Variants in BCL7A observed in about 807,000 individuals in gnomAD.
BCL7A encodes the protein B-cell CLL/lymphoma 7 protein family member A.
In BCL7A, 11 loss-of-function variants were observed where a neutral mutation model predicts 28.4. The observed-to-expected ratio is 0.39, with a 90% confidence interval of 0.24 to 0.64. BCL7A has a LOEUF of 0.64. Ranked by LOEUF, BCL7A falls within the 30% of genes least tolerant of loss-of-function variation. The pLI is 0.50. For missense variants in BCL7A, 222 were observed against 274.8 expected (o/e 0.81, Z 1.36); for synonymous variants, 123 against 103.3 (o/e 1.19, Z -1.15).
intron 3 of BCL7A, among the ~76,000 whole-genome samples, chr12:122,041,675 G>A (rs934326885): frequency 6.6e-6 from 1 of 152,142 alleles, no homozygotes; most frequent in African/African-American, 2.4e-5. Context: ...GAGGCAGGAG[G>A]ATGGCTTGAG....
intron 2 of BCL7A, among the ~76,000 whole-genome samples, 154 bp from the exon 3 acceptor site, chr12:122,035,177 G>C (rs1400273342): frequency 1.3e-5 from 2 of 152,194 alleles, no homozygotes; most frequent in Non-Finnish European, 2.9e-5. Context: ...AATAGGACGT[G>C]TTCAAATGTG....
rs372456786 is a variant in BCL7A at position 122,035,396 on chromosome 12, C to T, written c.240C>T (p.Asn80=). The change falls in exon 3 of 6, where the codon AAC becomes AAT. Residue 80 remains asparagine, a synonymous_variant. Coordinates refer to ENST00000261822, the MANE Select transcript of BCL7A (RefSeq NM_001024808.3). The part of the protein sequence containing the change: ...KCGSEVTTPE[N]SSSPGMMDMH... ...GCTCAGAGGTGACCACTCCGGAGAA[C>T]AGTTCCTCCCCAGGGATGATGGACA... The T allele has an allele frequency of 1.2e-6, 2 of 1,614,180 alleles. No homozygotes were observed.
At chr12:122,043,735 CAAAA>C in intron 3 of BCL7A, 147 bp from the exon 4 acceptor site, 2 of 621,582 alleles carry the variant, frequency 3.2e-6, no homozygotes, top group Non-Finnish European at 2.4e-6. Context: ...AGATCCGTCT[CAAAA>C]AAAAAAAAAA....
At chr12:122,045,249 CAT>C (rs1207707523) in intron 4 of BCL7A, among the ~76,000 whole-genome samples, 1 of 152,104 alleles carries the variant, frequency 6.6e-6, no homozygotes, top group Non-Finnish European at 1.5e-5. Context: ...AGTGTGGTGG[CAT>C]GTGCCTGTAA....
At position 122,026,266 on chromosome 12, in the gene BCL7A, CAAAAAAAAAAAAA is replaced by C. The variant is rs78577517; in HGVS notation, c.92+4090_92+4102del. Among the ~76,000 whole-genome samples, 418 of 49,480 alleles carry C rather than the reference CAAAAAAAAAAAAA, an allele frequency of 8.4e-3. 2 individuals carry two copies. The highest frequency in any genetic ancestry group is 0.015 in the Non-Finnish European group (346 of 22,756). The allele number at this position is 49,480 out of a possible 152,430, so 32.5% of individuals were successfully genotyped here. A position where few individuals can be genotyped will look rare whatever the true frequency, so the allele number is the denominator to read the frequency against. On this transcript the variant is annotated intron_variant, in intron 1 of 5. Transcript: ENST00000261822. Reference sequence around the variant, plus strand: ...TGGGCGACAGAGCGAGACTCCGTCTCAAAAAAAAAAAAAAAAAAAGAAAAAAATTAGACAGGCA... The same window carrying C: ...TGGGCGACAGAGCGAGACTCCGTCTCAAAAAAGAAAAAAATTAGACAGGCA...
intron 3 of BCL7A, among the ~76,000 whole-genome samples, chr12:122,041,187 G>A (rs1429483775): frequency 6.6e-6 from 1 of 152,178 alleles, no homozygotes; most frequent in Middle Eastern, 3.2e-3. Context: ...TGGGAGTTGG[G>A]CAGATGGGTC....
intron 5 of BCL7A, among the ~76,000 whole-genome samples, chr12:122,058,605 G>T (rs1447739502): frequency 6.6e-6 from 1 of 152,184 alleles, no homozygotes; most frequent in East Asian, 1.9e-4. Context: ...GTTGCAGTGA[G>T]CCAAGATTGC....
intron 4 of BCL7A, among the ~76,000 whole-genome samples, chr12:122,054,281 G>GT (rs1226826108): frequency 2.0e-5 from 3 of 152,102 alleles, no homozygotes; most frequent in Admixed American, 1.3e-4. Context: ...TAGAGACGGG[G>GT]TTTCACCGTG....
intron 3 of BCL7A, among the ~76,000 whole-genome samples, chr12:122,043,430 C>T (rs1452934400): frequency 8.5e-5 from 7 of 82,520 alleles, no homozygotes; most frequent in Admixed American, 2.8e-4. Context: ...GGTCAGGGGG[C>T]GGGAGTGAGC....
At chr12:122,041,980 G>A (rs1883972441) in intron 3 of BCL7A, among the ~76,000 whole-genome samples, 2 of 152,200 alleles carry the variant, frequency 1.3e-5, no homozygotes, top group Admixed American at 6.6e-5. Context: ...GGGAGGCTGA[G>A]GCATGAGAAT....
intron 2 of BCL7A, 93 bp from the exon 3 acceptor site, chr12:122,035,238 A>G (rs749689785): frequency 5.2e-5 from 63 of 1,201,066 alleles, no homozygotes; most frequent in Non-Finnish European, 7.1e-5. Context: ...CTTCAATGGA[A>G]TAAAATATTC....
At chr12:122,058,875 G>A (rs975458565) in intron 5 of BCL7A, among the ~76,000 whole-genome samples, 22 of 152,264 alleles carry the variant, frequency 1.4e-4, no homozygotes, top group East Asian at 5.8e-4. Flanking sequence ...AGGGGACACC[G>A]CGCTCCATAG....
At position 122,059,008 on chromosome 12, in the gene BCL7A, C is replaced by A; in HGVS notation, c.562-84C>A. 2 of 1,265,754 alleles carry A rather than the reference C, an allele frequency of 1.6e-6. No individual in the cohort carries two copies. Among genetic ancestry groups the A allele is most frequent in the Admixed American group, 1.8e-5 (1 of 56,978 alleles). The allele number at this position is 1,265,754 out of a possible 1,614,324, so 78.4% of individuals were successfully genotyped here. A position where few individuals can be genotyped will look rare whatever the true frequency, so the allele number is the denominator to read the frequency against. On this transcript the variant is annotated intron_variant, in intron 5 of 5. Transcript: ENST00000261822. This position sits in a 1 kb window ranked among gnomAD's most constrained non-coding sequence, Gnocchi z 4.0. ...AAAGCCGCCCCCGCTCGGTTCCTTC[C>A]TTGGCTGACCTTCGGCCTCACGCCT...
chr12:122,045,341 A>G (rs1369050213), intron 4 of BCL7A, among the ~76,000 whole-genome samples: 3 of 152,144 alleles, frequency 2.0e-5, no homozygotes, highest in East Asian at 1.9e-4. Flanking sequence ...AAATTGTGCC[A>G]TTGCACTCCA....
chr12:122,049,274 G>A (rs926408472), intron 4 of BCL7A, among the ~76,000 whole-genome samples: 4 of 151,076 alleles, frequency 2.6e-5, no homozygotes, highest in African/African-American at 9.7e-5. Context: ...GTAAGAAAGT[G>A]TGGTGTGGCA....
intron 1 of BCL7A, among the ~76,000 whole-genome samples, chr12:122,023,171 G>A (rs1381053717): frequency 6.6e-6 from 1 of 152,212 alleles, no homozygotes; most frequent in Admixed American, 6.5e-5. Context: ...CCTGGGCCAG[G>A]CCCGAGGCGC....
At chr12:122,048,712 C>T (rs1884126962) in intron 4 of BCL7A, among the ~76,000 whole-genome samples, 1 of 151,408 alleles carries the variant, frequency 6.6e-6, no homozygotes, top group Admixed American at 6.6e-5. Context: ...GGTGAAATCC[C>T]ATCTCTACAA....
At chr12:122,043,726 G>A (rs1167645294) in intron 3 of BCL7A, among the ~76,000 whole-genome samples, 160 bp from the exon 4 acceptor site, 1 of 143,884 alleles carries the variant, frequency 7.0e-6, no homozygotes, top group Non-Finnish European at 1.5e-5. Context: ...GACAGAGCGA[G>A]ATCCGTCTCA....
At chr12:122,051,339 C>T (rs1398672452) in intron 4 of BCL7A, among the ~76,000 whole-genome samples, 1 of 152,168 alleles carries the variant, frequency 6.6e-6, no homozygotes, top group Non-Finnish European at 1.5e-5. Context: ...CAGGTGGGTG[C>T]GTGCTGTCTG....
Sources: gnomAD v4.1 joint callset for allele counts (sites outside exome capture counted in the v4.1 genomes callset) on GRCh38, gnomAD v4.1.1 for gene constraint, Gnocchi (gnomAD v3.1) non-coding constraint, MANE v1.5 for transcripts, NCBI Gene and HGNC (gene_info 2026-07-23, HGNC 2026-07-21) for gene names.